The following FOXP2 variants were observed in gnomAD, a reference collection of about 807,000 sequenced individuals.
FOXP2 encodes forkhead box protein P2.
In FOXP2, 12 loss-of-function variants were observed where a neutral mutation model predicts 115.8. The observed-to-expected ratio is 0.10, with a 90% CI of 0.07 to 0.17. The LOEUF is 0.17. FOXP2 is among the 10% of genes least tolerant of loss of function. FOXP2 has a pLI of 1.00. For missense variants in FOXP2, 629 were observed against 843.5 expected (o/e 0.75, Z 3.15); for synonymous variants, 328 against 297.7 (o/e 1.10, Z -1.05).
At chr7:114,593,371 A>G (rs1172810179) in intron 3 of FOXP2, among the ~76,000 whole-genome samples, 18 of 151,952 alleles carry the variant, frequency 1.2e-4, no homozygotes, top group African/African-American at 1.7e-4. Context: ...TTTTTGACGT[A>G]TCCTTTCAGC....
At chr7:114,516,558 T>C (rs1798354089) in intron 2 of FOXP2, among the ~76,000 whole-genome samples, 1 of 152,186 alleles carries the variant, frequency 6.6e-6, no homozygotes. Context: ...ATGATAGTTC[T>C]ATTTTTAATT....
intron 14 of FOXP2, among the ~76,000 whole-genome samples, chr7:114,662,831 A>G (rs1401445075): frequency 6.6e-6 from 1 of 152,112 alleles, no homozygotes; most frequent in Non-Finnish European, 1.5e-5. Context: ...AAAATATAGT[A>G]AAACACATTT....
At chr7:114,632,060 A>G (rs190715320) in intron 6 of FOXP2, among the ~76,000 whole-genome samples, 18 of 152,322 alleles carry the variant, frequency 1.2e-4, no homozygotes, top group Non-Finnish European at 2.6e-4. Flanking sequence ...AGTCCATTTA[A>G]CTAAGTGAGC....
chr7:114,630,403 T>C (rs1026602298), intron 5 of FOXP2, among the ~76,000 whole-genome samples: 6 of 152,070 alleles, frequency 3.9e-5, no homozygotes, highest in African/African-American at 1.2e-4. Flanking sequence ...AGGGAGAAAC[T>C]GGTTGAGCAC....
chr7:114,494,182 A>C (rs901518710), intron 2 of FOXP2, among the ~76,000 whole-genome samples: 1 of 152,174 alleles, frequency 6.6e-6, no homozygotes, highest in Admixed American at 6.6e-5. Context: ...CAAAGTGATA[A>C]AAAGTAGAAC....
chr7:114,106,011 T>A (rs1791102702), intron 1 of FOXP2, among the ~76,000 whole-genome samples: 1 of 152,024 alleles, frequency 6.6e-6, no homozygotes, highest in African/African-American at 2.4e-5. Flanking sequence ...GCTTCTGTAG[T>A]TTTTTGCAGC....
chr7:114,123,497 C>T (rs191477617), intron 1 of FOXP2, among the ~76,000 whole-genome samples: 2 of 151,818 alleles, frequency 1.3e-5, no homozygotes, highest in East Asian at 3.9e-4. Flanking sequence ...ATGAAAGTAC[C>T]AATATGGAAA....
intron 2 of FOXP2, among the ~76,000 whole-genome samples, chr7:114,527,532 C>T (rs1489337064): frequency 6.6e-6 from 1 of 152,074 alleles, no homozygotes; most frequent in Non-Finnish European, 1.5e-5. Context: ...ACTCCCTTTG[C>T]CTTAACTATT....
intron 2 of FOXP2, among the ~76,000 whole-genome samples, chr7:114,432,035 G>A (rs1428513025): frequency 6.6e-6 from 1 of 151,916 alleles, no homozygotes; most frequent in Non-Finnish European, 1.5e-5. Flanking sequence ...TGGTTATGTA[G>A]TTTGAATTAC....
intron 1 of FOXP2, among the ~76,000 whole-genome samples, chr7:114,255,888 C>A (rs778497097): frequency 6.6e-6 from 1 of 152,154 alleles, no homozygotes; most frequent in Non-Finnish European, 1.5e-5. Context: ...ATTGCTCACG[C>A]TAGGAGCTGT....
rs1184377911 is a variant in FOXP2 at position 114,606,897 on chromosome 7, A to AT, written c.259-21637dup. Among the ~76,000 whole-genome samples, 7 of 152,210 alleles carry AT rather than the reference A, an allele frequency of 4.6e-5. No individual in the cohort carries two copies. The East Asian group carries it at 5.8e-4, about 13-fold the overall frequency. On this transcript the variant is annotated intron_variant, in intron 3 of 16. Transcript: ENST00000350908. The stretch of plus-strand genomic sequence containing the variant: ...TCATTTAATGCTCGCAATTAATGGG[A>AT]TTTTTTGTACTGTTGCCCCATTTTA...
chr7:114,393,995 TGTGTGTGTGTGAGAGA>T (rs1251652856), intron 2 of FOXP2, among the ~76,000 whole-genome samples: 2 of 17,220 alleles, frequency 1.2e-4, no homozygotes, highest in African/African-American at 1.9e-4. Flanking sequence ...TGTGTGTGTG[TGTGTGTGTGTGAGAGA>T]GAGAGAGAGA....
At chr7:114,270,092 G>A (rs947076850) in intron 1 of FOXP2, among the ~76,000 whole-genome samples, 2 of 152,114 alleles carry the variant, frequency 1.3e-5, no homozygotes, top group Non-Finnish European at 2.9e-5. Context: ...AAAGAAATGA[G>A]CATTCTTTCA....
chr7:114,223,687 C>T lies in FOXP2; in HGVS notation c.-102+60599C>T, dbSNP rs553103026. 6.5e-4 allele frequency among the ~76,000 whole-genome samples: 98 copies of T among 150,658 alleles called. No individual in the cohort carries two copies. The Middle Eastern group carries it at 0.014, about 21-fold the overall frequency. On this transcript the variant is annotated intron_variant, in intron 1 of 17. Transcript: ENST00000634411. ...GTAAGATCTTGCTATTTTGCCTAGG[C>T]TAGTCTCAAAACTTCTGGGCTCAAG... is the stretch of plus-strand genomic sequence containing the variant.
intron 3 of FOXP2, among the ~76,000 whole-genome samples, chr7:114,623,480 G>A (rs890859632): frequency 4.6e-5 from 7 of 151,956 alleles, no homozygotes; most frequent in Admixed American, 1.3e-4. Context: ...AACCAAAGAT[G>A]TATGTAAAAT....
chr7:114,326,874 A>G (rs1298631684), intron 2 of FOXP2, among the ~76,000 whole-genome samples: 2 of 152,158 alleles, frequency 1.3e-5, no homozygotes, highest in Non-Finnish European at 2.9e-5. Flanking sequence ...GAATAAAAAT[A>G]TTTTAGGGAT....
chr7:114,499,145 A>T (rs896076053), intron 2 of FOXP2: 8 of 491,210 alleles, frequency 1.6e-5, no homozygotes, highest in Non-Finnish European at 2.9e-5. Flanking sequence ...GAAGAAATGA[A>T]CTACTGCAAC....
intron 2 of FOXP2, among the ~76,000 whole-genome samples, chr7:114,328,403 A>G (rs1490399605): frequency 6.6e-6 from 1 of 151,398 alleles, no homozygotes; most frequent in Non-Finnish European, 1.5e-5. Flanking sequence ...CGCCCGGCAA[A>G]TTTTTTGTAT....
intron 16 of FOXP2, chr7:114,667,513 C>T (rs1468434510): frequency 6.6e-6 from 1 of 152,000 alleles, no homozygotes; most frequent in East Asian, 1.9e-4. Flanking sequence ...CTGAAGTTAC[C>T]TAGTTATCTG....
Sources: allele counts gnomAD v4.1 joint callset (sites outside exome capture counted in the v4.1 genomes callset), GRCh38; gene constraint gnomAD v4.1.1; transcripts MANE v1.5; gene names NCBI Gene and HGNC (gene_info 2026-07-23, HGNC 2026-07-21).